SENP7: variants seen among roughly 807,000 people sequenced by gnomAD.
SENP7 encodes SUMO specific peptidase 7.
Under a neutral mutation model 141.2 loss-of-function variants are expected in SENP7, and 64 were observed. That is an observed-to-expected ratio of 0.45 (90% CI 0.37 to 0.56). The LOEUF (loss-of-function observed/expected upper bound fraction) is 0.56, where lower values mean the gene tolerates loss of function less well. Among genes scored for constraint, SENP7 ranks in the 20% least tolerant of loss-of-function variants. The pLI, the probability that SENP7 is intolerant of heterozygous loss-of-function variation, is 0.00. For missense variants in SENP7, 1,025 were observed against 1,212.2 expected, an observed-to-expected ratio of 0.85 and a Z score of 2.29; for synonymous variants, 382 against 426.4, an observed-to-expected ratio of 0.90 and a Z score of 1.28.
chr3:101,474,271 T>C (rs1335229354), intron 3 of SENP7, among the ~76,000 whole-genome samples: 2 of 152,228 alleles, frequency 1.3e-5, no homozygotes, highest in African/African-American at 4.8e-5. Context: ...AATCTATAAA[T>C]TGCTTTGGGC....
intron 6 of SENP7, among the ~76,000 whole-genome samples, chr3:101,387,959 C>G (rs973341103): frequency 6.0e-5 from 7 of 115,748 alleles, no homozygotes; most frequent in Non-Finnish European, 1.4e-4. Flanking sequence ...GTCTGGGAGC[C>G]TAGGCATAGG....
At chr3:101,476,543 G>C (rs1393861629) in intron 3 of SENP7, among the ~76,000 whole-genome samples, 1 of 152,086 alleles carries the variant, frequency 6.6e-6, no homozygotes, top group Non-Finnish European at 1.5e-5. Flanking sequence ...ATTGTGAATG[G>C]TGCCACAATA....
intron 4 of SENP7, chr3:101,457,544 C>G: frequency 6.2e-7 from 1 of 1,603,630 alleles, no homozygotes; most frequent in Non-Finnish European, 8.5e-7. Context: ...TAAACATATG[C>G]ACCTCTTCAA....
intron 13 of SENP7, among the ~76,000 whole-genome samples, chr3:101,346,729 G>A (rs939054783): frequency 2.0e-5 from 3 of 151,818 alleles, no homozygotes; most frequent in Non-Finnish European, 2.9e-5. Flanking sequence ...GCATAAAAAT[G>A]ATACAATAGA....
intron 23 of SENP7, among the ~76,000 whole-genome samples, chr3:101,326,891 C>T (rs1404018047): frequency 4.3e-5 from 6 of 138,438 alleles, no homozygotes; most frequent in Non-Finnish European, 9.5e-5. Context: ...CTCTTCTTTA[C>T]ATTCTTTTTT....
At chr3:101,443,558 G>A (rs915072057) in intron 4 of SENP7, among the ~76,000 whole-genome samples, 1 of 151,594 alleles carries the variant, frequency 6.6e-6, no homozygotes, top group Non-Finnish European at 1.5e-5. Flanking sequence ...TCATTTTCAC[G>A]ATATTGATTC....
chr3:101,421,629 G>A (rs565814982), intron 4 of SENP7, among the ~76,000 whole-genome samples: 1 of 152,236 alleles, frequency 6.6e-6, no homozygotes, highest in South Asian at 2.1e-4. Context: ...TTCTAATAGT[G>A]AGGCTCTAAA....
intron 1 of SENP7, among the ~76,000 whole-genome samples, chr3:101,504,627 A>T (rs997322077): frequency 5.3e-5 from 8 of 152,230 alleles, no homozygotes; most frequent in African/African-American, 1.4e-4. Context: ...TAAATTTAAC[A>T]AAACACATAT....
In SENP7 at chr3:101,429,805, A is replaced by G. The variant is rs369401388; in HGVS notation, c.285-12015T>C. The stretch of plus-strand genomic sequence containing the variant: ...GAATGCTTCCAGTTTTTGCCCATTC[A>G]GTATGATATTGGCTGTGGGTTTGTC... On this transcript the variant is annotated intron_variant, in intron 4 of 23. Transcript: ENST00000394095. Among the ~76,000 whole-genome samples the G allele has an allele frequency of 3.9e-5, 6 of 152,282 alleles. No individual in the cohort carries two copies. The East Asian group carries it at 5.8e-4, about 15-fold the overall frequency.
At chr3:101,406,471 A>G (rs1320976744) in intron 5 of SENP7, among the ~76,000 whole-genome samples, 1 of 151,976 alleles carries the variant, frequency 6.6e-6, no homozygotes, top group Admixed American at 6.6e-5. Flanking sequence ...ATTAGGAGAT[A>G]TATCTAATGT....
chr3:101,502,396 G>A (rs772409485), intron 1 of SENP7, among the ~76,000 whole-genome samples: 5 of 152,142 alleles, frequency 3.3e-5, no homozygotes, highest in African/African-American at 7.2e-5. Flanking sequence ...TCCACCTCCC[G>A]AGTTCAAGCG....
At chr3:101,351,094 T>C (rs532014014) in intron 12 of SENP7, among the ~76,000 whole-genome samples, 2 of 152,104 alleles carry the variant, frequency 1.3e-5, no homozygotes, top group East Asian at 1.9e-4. Flanking sequence ...ATTATATAAA[T>C]AGATTATCCT....
intron 6 of SENP7, among the ~76,000 whole-genome samples, chr3:101,380,443 CCCCA>C (rs2060467333): frequency 1.1e-5 from 1 of 94,246 alleles, no homozygotes. Flanking sequence ...CCGCCCCCCC[CCCCA>C]CACACACACA....
chr3:101,353,576 C>T (rs867006865), intron 11 of SENP7, among the ~76,000 whole-genome samples: 1 of 151,912 alleles, frequency 6.6e-6, no homozygotes, highest in Admixed American at 6.6e-5. Context: ...TGAAATCATA[C>T]CAACTTTGTT....
chr3:101,449,939 C>T (rs1481517243), intron 4 of SENP7, among the ~76,000 whole-genome samples: 3 of 152,104 alleles, frequency 2.0e-5, no homozygotes, highest in African/African-American at 7.2e-5. Context: ...AGAGTCAAGA[C>T]CCATCAGTGT....
intron 3 of SENP7, among the ~76,000 whole-genome samples, chr3:101,484,255 A>G (rs2064629442): frequency 6.6e-6 from 1 of 152,220 alleles, no homozygotes; most frequent in African/African-American, 2.4e-5. Flanking sequence ...ATGAGAAGGC[A>G]AGCCAAAGAC....
intron 3 of SENP7, among the ~76,000 whole-genome samples, chr3:101,488,802 A>G (rs2064838082): frequency 6.6e-6 from 1 of 152,180 alleles, no homozygotes; most frequent in African/African-American, 2.4e-5. Flanking sequence ...AGATCGCACC[A>G]CTGTACTCCA....
chr3:101,414,487 A>G, intron 5 of SENP7: 1 of 1,529,562 alleles, frequency 6.5e-7, no homozygotes, highest in Non-Finnish European at 9.1e-7. Flanking sequence ...CAACAAAGCC[A>G]AAGATTCAAT....
At chr3:101,380,524 T>A (rs2060473438) in intron 6 of SENP7, among the ~76,000 whole-genome samples, 1 of 148,840 alleles carries the variant, frequency 6.7e-6, no homozygotes, top group Non-Finnish European at 1.5e-5. Context: ...ACACCTATAG[T>A]GTGCTACTTC....
Sources: gnomAD v4.1 joint callset for allele counts (sites outside exome capture counted in the v4.1 genomes callset) on GRCh38, gnomAD v4.1.1 for gene constraint, MANE v1.5 for transcripts, NCBI Gene and HGNC (gene_info 2026-07-23, HGNC 2026-07-21) for gene names.